The following CNDP2 variants were observed in gnomAD, a reference collection of about 807,000 sequenced individuals.
CNDP2 encodes cytosolic non-specific dipeptidase.
Under a neutral mutation model 55.0 loss-of-function variants are expected in CNDP2, and 38 were observed. The ratio of observed to expected loss-of-function variants is 0.69; its 90% CI spans 0.53 to 0.90. The LOEUF is 0.90. Ranked by LOEUF, CNDP2 falls within the 40% of genes least tolerant of loss-of-function variation. The probability of loss-of-function intolerance (pLI) is 0.00; values close to 1 mark genes in which losing one functional copy is unlikely to be tolerated. For synonymous variants in CNDP2, 241 were observed against 260.2 expected, an observed-to-expected ratio of 0.93 and a Z score of 0.71; for missense variants, 607 against 621.7, an observed-to-expected ratio of 0.98 and a Z score of 0.25.
chr18:74,520,108 C>A lies in CNDP2; in HGVS notation c.*40C>A. On this transcript the variant is annotated 3_prime_UTR_variant, in exon 12 of 12. Coordinates refer to ENST00000324262, the MANE Select transcript of CNDP2 (RefSeq NM_018235.3). ...GTGCCATCTCCAATGAGAAGGAATC[C>A]TGCCCTCACCTCACCCTTTTCCAAC... 3 of 1,594,786 alleles carry A rather than the reference C, an allele frequency of 1.9e-6. No individual in the cohort carries two copies. The highest frequency in any genetic ancestry group is 3.3e-5 in the Admixed American group (2 of 59,858).
At chr18:74,501,522 G>A (rs758570578) in intron 3 of CNDP2, 50 bp downstream of exon 3, 4 of 1,553,964 alleles carry the variant, frequency 2.6e-6, no homozygotes, top group Non-Finnish European at 3.5e-6. Context: ...GATTCTGCCT[G>A]AGGGGTTGAC....
At chr18:74,503,552 A>G (rs1978831514) in intron 3 of CNDP2, among the ~76,000 whole-genome samples, 1 of 152,270 alleles carries the variant, frequency 6.6e-6, no homozygotes, top group Non-Finnish European at 1.5e-5. Context: ...AGTATTTCAG[A>G]GGAGCCCTAT....
chr18:74,516,633 C>G (rs965698575), intron 9 of CNDP2: 32 of 340,538 alleles, frequency 9.4e-5, no homozygotes, highest in Admixed American at 6.7e-4. Context: ...CCTCACTCAC[C>G]TCAAGGCTCC....
rs997728315 is a variant in CNDP2 at position 74,521,847 on chromosome 18, A to G, written c.*1779A>G. ...AAAGAACGGGATATTTGCTTAGCTT[A>G]AAAGCACCTCCCAAGGGGAAAACAG... On this transcript the variant is annotated 3_prime_UTR_variant, in exon 12 of 12. Coordinates refer to ENST00000324262, the MANE Select transcript of CNDP2 (RefSeq NM_018235.3). 1.3e-5 allele frequency: 2 copies of G among 152,238 alleles called. No homozygotes were observed. Among genetic ancestry groups the G allele is most frequent in the African/African-American group, 4.8e-5 (2 of 41,454 alleles). 9.4% of individuals were successfully genotyped at this position (152,238 alleles called of 1,614,324 possible). A position where few individuals can be genotyped will look rare whatever the true frequency, so the allele number is the denominator to read the frequency against.
At chr18:74,508,806 C>T (rs773253874) in intron 4 of CNDP2, 34 bp from the exon 5 acceptor site, 2 of 1,576,052 alleles carry the variant, frequency 1.3e-6, no homozygotes, top group Non-Finnish European at 8.7e-7. Flanking sequence ...TCCTTGTAAT[C>T]ATCACTTTAT....
rs1472125839 is a variant in CNDP2, at chr18:74,521,679, A to G, written c.*1611A>G. ...CATGAGTCCATACTAATATAAATAAAGTGACAAAGTGGGTGAGAAGGACCA... is the reference window on the plus strand; with the variant it reads ...CATGAGTCCATACTAATATAAATAAGGTGACAAAGTGGGTGAGAAGGACCA... On this transcript the variant is annotated 3_prime_UTR_variant, in exon 12 of 12. Transcript: ENST00000324262. 2.0e-5 allele frequency: 3 copies of G among 152,238 alleles called. No individual in the cohort carries two copies. The highest frequency in any genetic ancestry group is 4.4e-5 in the Non-Finnish European group (3 of 68,054). The allele number at this position is 152,238 out of a possible 1,614,324, so 9.4% of individuals were successfully genotyped here. A position where few individuals can be genotyped will look rare whatever the true frequency, so the allele number is the denominator to read the frequency against.
chr18:74,502,273 A>G (rs1225170372), intron 3 of CNDP2, among the ~76,000 whole-genome samples: 1 of 152,188 alleles, frequency 6.6e-6, no homozygotes. Flanking sequence ...GAACAGTCTC[A>G]CTTTGTGGTA....
rs370693335 is a variant in CNDP2, at chr18:74,513,702, C to T, written c.886C>T (p.Leu296Phe). The T allele has an allele frequency of 3.1e-6, 5 of 1,613,780 alleles. No homozygotes were observed. Among genetic ancestry groups the T allele is most frequent in the South Asian group, 1.1e-5 (1 of 91,078 alleles). The change falls in exon 8 of 12, where the codon CTC (leucine) becomes TTC (phenylalanine). Residue 296 changes from leucine to phenylalanine, a missense_variant. Coordinates refer to ENST00000324262, the MANE Select transcript of CNDP2 (RefSeq NM_018235.3). ...TGCCAAGGATGTGGGGGCGCAGATC[C>T]TCCTGCACAGCCACAAGGTCTGGTT... ...EFAKDVGAQI[L>F]LHSHKKDILM...
chr18:74,506,781 C>T (rs1250884807), intron 4 of CNDP2, among the ~76,000 whole-genome samples: 1 of 152,198 alleles, frequency 6.6e-6, no homozygotes, highest in African/African-American at 2.4e-5. Flanking sequence ...CTTTTGAGGC[C>T]CGTGCTATGA....
At chr18:74,498,788 G>GCCC (rs1320425615) in intron 1 of CNDP2, among the ~76,000 whole-genome samples, 2 of 152,220 alleles carry the variant, frequency 1.3e-5, no homozygotes, top group African/African-American at 4.8e-5. Flanking sequence ...ATCCGAGCTG[G>GCCC]CTGGGAGGTA....
chr18:74,517,132 A>T (rs577070156), intron 9 of CNDP2: 2 of 152,068 alleles, frequency 1.3e-5, no homozygotes, highest in Non-Finnish European at 2.9e-5. Flanking sequence ...TTGTCCTCAC[A>T]TGGCAGAGGG....
At chr18:74,496,675 C>A (rs1978431884) in intron 1 of CNDP2, among the ~76,000 whole-genome samples, 1 of 152,196 alleles carries the variant, frequency 6.6e-6, no homozygotes, top group Non-Finnish European at 1.5e-5. Flanking sequence ...CGTGTCCCAG[C>A]AGCGCCGAGC....
At chr18:74,504,297 C>T (rs59186617) in intron 3 of CNDP2, among the ~76,000 whole-genome samples, 1 of 148,542 alleles carries the variant, frequency 6.7e-6, no homozygotes, top group African/African-American at 2.5e-5. Context: ...CGCAGCCACA[C>T]TGCCACTGGG....
At position 74,513,579 on chromosome 18, in the gene CNDP2, G is replaced by T; in HGVS notation, c.763G>T (p.Gly255Trp). 6.2e-7 allele frequency: 1 copy of T among 1,613,458 alleles called. No individual in the cohort carries two copies. Residue 255 changes from glycine (G) to tryptophan (W), a missense_variant, in exon 8 of 12, where the codon GGG (glycine) becomes TGG (tryptophan). Transcript: ENST00000324262. Reference sequence around the variant, plus strand: ...CTCAGGCTCTTTGGTGGACAAGAGGGGGAACATCCTGATCCCCGGCATTAA... The same window carrying T: ...CTCAGGCTCTTTGGTGGACAAGAGGTGGAACATCCTGATCCCCGGCATTAA... ...LLMGSLVDKR[G>W]NILIPGINEA... is the part of the protein sequence containing the mutation.
rs748279856 is a variant in CNDP2, at chr18:74,501,420, A to G, written c.152A>G (p.Asp51Gly). The stretch of plus-strand genomic sequence containing the variant: ...AGGATGATGGAAGTTGCTGCTGCAG[A>G]TGTTAAGCAGTTGGGGGGCTCTGTG... ...IRRMMEVAAA[D>G]VKQLGGSVEL... is the part of the protein sequence containing the mutation. The change falls in exon 3 of 12, where the codon GAT becomes GGT. Residue 51 changes from aspartate (D) to glycine (G), a missense_variant. By Grantham distance (94) the Asp-to-Gly change is moderately conservative. Transcript: ENST00000324262. The G allele has an allele frequency of 1.9e-6, 3 of 1,614,152 alleles. No individual in the cohort carries two copies. The highest frequency in any genetic ancestry group is 2.5e-6 in the Non-Finnish European group (3 of 1,180,016).
chr18:74,510,341 C>T (rs1227177506), intron 5 of CNDP2, among the ~76,000 whole-genome samples: 3 of 152,276 alleles, frequency 2.0e-5, no homozygotes, highest in South Asian at 2.1e-4. Context: ...GGGTCAGAGT[C>T]GGGAGAGCAC....
At chr18:74,499,374 A>G (rs777662325) in intron 1 of CNDP2, 3 of 152,590 alleles carry the variant, frequency 2.0e-5, no homozygotes, top group African/African-American at 4.8e-5. Flanking sequence ...CCTCTTGGTC[A>G]GGTGCTTGTG....
At position 74,523,028 on chromosome 18, in the gene CNDP2, A is replaced by C. The variant is rs1042652972; in HGVS notation, c.*2960A>C. The C allele has an allele frequency of 6.6e-6, 1 of 152,332 alleles. No homozygotes were observed. Among genetic ancestry groups the C allele is most frequent in the Admixed American group, 6.5e-5 (1 of 15,280 alleles). The allele number at this position is 152,332 out of a possible 1,614,324, so 9.4% of individuals were successfully genotyped here. On this transcript the variant is annotated 3_prime_UTR_variant, in exon 12 of 12. Coordinates refer to ENST00000324262, the MANE Select transcript of CNDP2 (RefSeq NM_018235.3). ...TGCTCACCTCCATCTCTGCAAGCTC[A>C]GTCCCTCGTGGAATTTCCAGGAGCA...
chr18:74,521,028 TTC>T lies in CNDP2; in HGVS notation c.*964_*965del, dbSNP rs1980017652. The T allele has an allele frequency of 6.6e-6, 1 of 152,226 alleles. No homozygotes were observed. The highest frequency in any genetic ancestry group is 2.4e-5 in the African/African-American group (1 of 41,468). 9.4% of individuals were successfully genotyped at this position (152,226 alleles called of 1,614,324 possible). A position where few individuals can be genotyped will look rare whatever the true frequency, so the allele number is the denominator to read the frequency against. On this transcript the variant is annotated 3_prime_UTR_variant, in exon 12 of 12. Coordinates refer to ENST00000324262, the MANE Select transcript of CNDP2 (RefSeq NM_018235.3). ...TCACCATTACTGGCATTTTCCTGTCTTCTCTTTAGTATGATCCCTCAAAACCT... is the reference window on the plus strand; with the variant it reads ...TCACCATTACTGGCATTTTCCTGTCTTCTTTAGTATGATCCCTCAAAACCT...
Sources: gnomAD v4.1 joint callset for allele counts (sites outside exome capture counted in the v4.1 genomes callset) on GRCh38, gnomAD v4.1.1 for gene constraint, MANE v1.5 for transcripts, NCBI Gene and HGNC (gene_info 2026-07-23, HGNC 2026-07-21) for gene names.